ANAPC1: variants seen among roughly 807,000 people sequenced by gnomAD.
ANAPC1 encodes anaphase promoting complex subunit 1.
ANAPC1 carries 36 observed loss-of-function variants against 208.0 expected under a neutral mutation model. The ratio of observed to expected loss-of-function variants is 0.17; its 90% confidence interval spans 0.13 to 0.23. ANAPC1 has a LOEUF of 0.23. Ranked by LOEUF, ANAPC1 falls within the 10% of genes least tolerant of loss-of-function variation. ANAPC1 has a pLI of 1.00. For missense variants in ANAPC1, 942 were observed against 2,011.6 expected, an observed-to-expected ratio of 0.47 and a Z score of 10.17; for synonymous variants, 378 against 695.2, an observed-to-expected ratio of 0.54 and a Z score of 7.18.
At chr2:111,864,589 C>T (rs1682298497) in intron 8 of ANAPC1, among the ~76,000 whole-genome samples, 1 of 146,298 alleles carries the variant, frequency 6.8e-6, no homozygotes, top group South Asian at 2.1e-4. Context: ...CTCAGCCTCC[C>T]GAGTAGATAG....
At chr2:111,821,789 A>C (rs2104431003) in intron 25 of ANAPC1, 1 of 301,212 alleles carries the variant, frequency 3.3e-6, no homozygotes, top group Admixed American at 4.7e-5. Context: ...GAGAGTAATG[A>C]AATAATTTAA....
intron 20 of ANAPC1, among the ~76,000 whole-genome samples, chr2:111,832,364 G>GA (rs1452552261): frequency 2.7e-5 from 4 of 150,404 alleles, no homozygotes; most frequent in African/African-American, 7.4e-5. Flanking sequence ...ACCTAAAGGT[G>GA]AAAAAAACAA....
At chr2:111,856,230 G>A (rs184287898) in intron 13 of ANAPC1, 9 of 167,728 alleles carry the variant, frequency 5.4e-5, no homozygotes, top group African/African-American at 1.4e-4. Flanking sequence ...GCGAGACTCC[G>A]TCTCAAAAAA....
intron 3 of ANAPC1, among the ~76,000 whole-genome samples, chr2:111,875,637 A>C (rs1449354954): frequency 2.0e-5 from 3 of 152,242 alleles, no homozygotes; most frequent in Non-Finnish European, 4.4e-5. Flanking sequence ...CTCTTCTCAA[A>C]ACACAAAATT....
At chr2:111,858,774 A>G (rs1474285206) in intron 10 of ANAPC1, among the ~76,000 whole-genome samples, 1 of 151,924 alleles carries the variant, frequency 6.6e-6, no homozygotes, top group African/African-American at 2.4e-5. Context: ...AAAGAAAAAA[A>G]AAAAAAAAAA....
At chr2:111,872,176 A>C (rs138211648) in intron 6 of ANAPC1, among the ~76,000 whole-genome samples, 1 of 152,040 alleles carries the variant, frequency 6.6e-6, no homozygotes. Context: ...TTCTATGCCT[A>C]GTTTGTTTTT....
intron 19 of ANAPC1, among the ~76,000 whole-genome samples, chr2:111,833,595 A>G (rs561866236): frequency 6.7e-6 from 1 of 150,014 alleles, no homozygotes; most frequent in South Asian, 2.1e-4. Context: ...AGTCATGTCT[A>G]TAAACCTCAG....
intron 10 of ANAPC1, among the ~76,000 whole-genome samples, chr2:111,859,703 T>G (rs6731413): frequency 6.6e-6 from 1 of 151,948 alleles, no homozygotes; most frequent in Non-Finnish European, 1.5e-5. Flanking sequence ...TCTAAGATTA[T>G]GCATTTGCCT....
chr2:111,879,122 T>C (rs561209148), intron 2 of ANAPC1, 151 bp from the exon 3 acceptor site: 5 of 827,068 alleles, frequency 6.0e-6, no homozygotes, highest in East Asian at 2.7e-5. Flanking sequence ...GATGTGGATA[T>C]ATGCATTACA....
chr2:111,881,172 A>T (rs1683279670), intron 1 of ANAPC1, among the ~76,000 whole-genome samples: 1 of 152,092 alleles, frequency 6.6e-6, no homozygotes, highest in African/African-American at 2.4e-5. Flanking sequence ...GTATTTAGAC[A>T]AGTTGTATTC....
At position 111,880,801 on chromosome 2, in the gene ANAPC1, T is replaced by C. The variant is rs1283170707; in HGVS notation, c.25A>G (p.Thr9Ala). Residue 9 changes from threonine to alanine, a missense_variant, in exon 2 of 48, where the codon ACA becomes GCA. Thr to Ala is a moderately conservative substitution (Grantham distance 58, BLOSUM62 0). Coordinates refer to ENST00000341068, the MANE Select transcript of ANAPC1 (RefSeq NM_022662.4). ...AAATCCCTTGCTGCAATCATCGTTG[T>C]CCTTTCTTCATAGAAGTTCGACATG... Reference protein sequence around the residue: MSNFYEERTTMIAARDLQE... With the variant: MSNFYEERATMIAARDLQE... The C allele has an allele frequency of 1.9e-6, 3 of 1,613,910 alleles. No homozygotes were observed. Among genetic ancestry groups the C allele is most frequent in the Admixed American group, 1.7e-5 (1 of 59,990 alleles).
Position 111,878,898 on chromosome 2 carries a change from G to A in ANAPC1, c.287C>T (p.Ala96Val). The A allele has an allele frequency of 6.2e-7, 1 of 1,605,600 alleles. No individual in the cohort carries two copies. The highest frequency in any genetic ancestry group is 1.3e-5 in the African/African-American group (1 of 74,540). Residue 96 changes from alanine (A) to valine (V), a missense_variant, in exon 3 of 48, where the codon GCT (alanine) becomes GTT (valine). Coordinates refer to ENST00000341068, the MANE Select transcript of ANAPC1 (RefSeq NM_022662.4). Reference sequence around the variant, plus strand: ...TTTGCTCCATATCACCATATTTCCAGCAACATAGAGTTCCTCATCATAGTC... The same window carrying A: ...TTTGCTCCATATCACCATATTTCCAACAACATAGAGTTCCTCATCATAGTC... ...DVDYDEELYV[A>V]GNMVIWSKGS...
chr2:111,847,315 A>G (rs1573453493), intron 15 of ANAPC1, 117 bp from the exon 16 acceptor site: 3 of 657,794 alleles, frequency 4.6e-6, no homozygotes, highest in Admixed American at 3.5e-5. Flanking sequence ...ATGAAAAACA[A>G]TTTTCAAACA....
chr2:111,823,447 T>C (rs1046006532), intron 24 of ANAPC1, among the ~76,000 whole-genome samples: 28 of 151,570 alleles, frequency 1.8e-4, no homozygotes, highest in Admixed American at 2.6e-4. Flanking sequence ...CTTATACCCA[T>C]GTACAAAGAC....
At chr2:111,840,275 C>CA in intron 17 of ANAPC1, among the ~76,000 whole-genome samples, 1 of 152,154 alleles carries the variant, frequency 6.6e-6, no homozygotes, top group South Asian at 2.1e-4. Flanking sequence ...TATGTGAAAA[C>CA]AAAAAGAATA....
At position 111,864,888 on chromosome 2, in the gene ANAPC1, T is replaced by C. The variant is rs770590750; in HGVS notation, c.749A>G (p.Asn250Ser). ...VDHAMKIVFL[N>S]TDPSIVMTYD... The stretch of plus-strand genomic sequence containing the variant: ...AGTCATTACAATAGAGGGGTCAGTA[T>C]TGAGGAAAACAATTTTCATTGCATG... Residue 250 changes from asparagine (N) to serine (S), a missense_variant, in exon 8 of 48, where the codon AAT (asparagine) becomes AGT (serine). By Grantham distance (46) the Asn-to-Ser change is conservative. Transcript: ENST00000341068. The C allele has an allele frequency of 1.1e-5, 18 of 1,611,570 alleles. No individual in the cohort carries two copies. Among genetic ancestry groups the C allele is most frequent in the South Asian group, 2.2e-5 (2 of 90,962 alleles).
At chr2:111,794,930 A>G (rs983522849) in intron 34 of ANAPC1, 36 bp from the exon 35 acceptor site, 2 of 846,130 alleles carry the variant, frequency 2.4e-6, no homozygotes, top group Admixed American at 5.4e-5. Flanking sequence ...TTAGATATCA[A>G]TGTTCTCATT....
At chr2:111,881,583 T>TA (rs1225080405) in intron 1 of ANAPC1, among the ~76,000 whole-genome samples, 2 of 152,302 alleles carry the variant, frequency 1.3e-5, no homozygotes, top group South Asian at 4.1e-4. Flanking sequence ...AGTTTATTAC[T>TA]AAAAAAATGT....
Position 111,843,600 on chromosome 2 carries a change from C to A in ANAPC1, c.1853-1G>T. 2 of 1,602,148 alleles carry A rather than the reference C, an allele frequency of 1.2e-6. No homozygotes were observed. The highest frequency in any genetic ancestry group is 1.7e-6 in the Non-Finnish European group (2 of 1,174,264). ...TTAATTGCTTGCAAACACGTTTGTA[C>A]TATTAAAAGCAAAGATTAATTTTAG... On this transcript the variant is annotated splice_acceptor_variant, in intron 16 of 47. Transcript: ENST00000341068. LOFTEE classifies it high-confidence loss of function.
Sources: allele counts gnomAD v4.1 joint callset (sites outside exome capture counted in the v4.1 genomes callset), GRCh38; gene constraint gnomAD v4.1.1; transcripts MANE v1.5; gene names NCBI Gene and HGNC (gene_info 2026-07-23, HGNC 2026-07-21).